Variants in PRTFDC1 observed in about 807,000 individuals in gnomAD.
The protein encoded by PRTFDC1 is phosphoribosyltransferase domain-containing protein 1.
PRTFDC1 carries 38 observed loss-of-function variants against 34.6 expected under a neutral mutation model. The ratio of observed to expected loss-of-function variants is 1.10; its 90% CI spans 0.85 to 1.44. The LOEUF is 1.44. PRTFDC1 is among the 40% of genes most tolerant of loss of function. The pLI, the probability that PRTFDC1 is intolerant of heterozygous loss-of-function variation, is 0.00. For missense variants in PRTFDC1, 270 were observed against 283.0 expected, an observed-to-expected ratio of 0.95 and a Z score of 0.33; for synonymous variants, 93 against 98.1, an observed-to-expected ratio of 0.95 and a Z score of 0.31.
chr10:24,880,478 A>G (rs564551126), intron 3 of PRTFDC1, among the ~76,000 whole-genome samples: 1 of 152,184 alleles, frequency 6.6e-6, no homozygotes, highest in South Asian at 2.1e-4. Context: ...TCTTGCCTTT[A>G]ATCTTAAGAA....
chr10:24,923,726 A>T (rs7096844), intron 3 of PRTFDC1, among the ~76,000 whole-genome samples: 49,187 of 152,052 alleles, frequency 0.32, 9,363 homozygotes, highest in African/African-American at 0.53. Flanking sequence ...AAATTCCAAA[A>T]ACCAGAGTTC....
At chr10:24,875,190 C>T (rs1382414971) in intron 3 of PRTFDC1, among the ~76,000 whole-genome samples, 2 of 152,168 alleles carry the variant, frequency 1.3e-5, no homozygotes, top group African/African-American at 4.8e-5. Context: ...TGATACGTTT[C>T]TACATTATGG....
At chr10:24,929,272 A>G (rs1459637199) in intron 3 of PRTFDC1, among the ~76,000 whole-genome samples, 1 of 152,114 alleles carries the variant, frequency 6.6e-6, no homozygotes, top group Non-Finnish European at 1.5e-5. Flanking sequence ...GGAATGAGAG[A>G]GAAAAAATGT....
rs1339485395 is a variant in PRTFDC1, at chr10:24,937,854, G to A, written c.156-487C>T. Reference sequence around the variant, plus strand: ...ATTACAGGCATGAGCCACCATGCCTGGCAGTATTTACTGAATTCTAAAGAA... The same window carrying A: ...ATTACAGGCATGAGCCACCATGCCTAGCAGTATTTACTGAATTCTAAAGAA... On this transcript the variant is annotated intron_variant, in intron 2 of 8. Transcript: ENST00000320152. Among the ~76,000 whole-genome samples the A allele has an allele frequency of 2.0e-5, 3 of 151,872 alleles. No individual in the cohort carries two copies. In the East Asian group the frequency reaches 5.8e-4, roughly 30 times the overall value.
chr10:24,912,293 AAAG>A lies in PRTFDC1; in HGVS notation c.339+24888_339+24890del, dbSNP rs1414788182. ...CAAAAAAAAAAAAAAAAAAAAAAAAAAAGAAAGAAATTGCTGAAGAGTTTTTTT... is the reference window on the plus strand; with the variant it reads ...CAAAAAAAAAAAAAAAAAAAAAAAAAAAAGAAATTGCTGAAGAGTTTTTTT... On this transcript the variant is annotated intron_variant, in intron 3 of 8. Coordinates refer to ENST00000320152, the MANE Select transcript of PRTFDC1 (RefSeq NM_020200.7). 2.5e-4 allele frequency among the ~76,000 whole-genome samples: 36 copies of A among 142,380 alleles called. 1 individual carries two copies. Among genetic ancestry groups the A allele is most frequent in the African/African-American group, 9.0e-4 (32 of 35,434 alleles). The allele number at this position is 142,380 out of a possible 152,430, so 93.4% of individuals were successfully genotyped here.
At chr10:24,918,067 C>T (rs1463148647) in intron 3 of PRTFDC1, among the ~76,000 whole-genome samples, 3 of 152,094 alleles carry the variant, frequency 2.0e-5, no homozygotes, top group Non-Finnish European at 2.9e-5. Flanking sequence ...GGAGAGCTGT[C>T]ACCTGACTTC....
At chr10:24,915,299 C>T (rs1848679211) in intron 3 of PRTFDC1, among the ~76,000 whole-genome samples, 1 of 152,178 alleles carries the variant, frequency 6.6e-6, no homozygotes, top group African/African-American at 2.4e-5. Flanking sequence ...AGACTCCTGA[C>T]ATTTGGACAG....
chr10:24,872,194 T>C, intron 3 of PRTFDC1, 131 bp from the exon 4 acceptor site: 3 of 752,802 alleles, frequency 4.0e-6, no homozygotes, highest in Non-Finnish European at 6.5e-6. Context: ...TAATAGGGAT[T>C]CATGGTTGCC....
rs117154491 is a variant in PRTFDC1, at chr10:24,930,443, G to A, written c.339+6741C>T. On this transcript the variant is annotated intron_variant, in intron 3 of 8. Coordinates refer to ENST00000320152, the MANE Select transcript of PRTFDC1 (RefSeq NM_020200.7). ...ATAAAACATTTCAGAAAAAAAAGCA[G>A]GTAATTGTCTATTTATGGATATTGT... Among the ~76,000 whole-genome samples, 1,466 of 152,252 alleles carry A rather than the reference G, an allele frequency of 9.6e-3. 13 individuals are homozygous for A. Among genetic ancestry groups the A allele is most frequent in the Non-Finnish European group, 0.015 (1,001 of 68,026 alleles).
At position 24,948,700 on chromosome 10, in the gene PRTFDC1, C is replaced by T. The variant is rs142419866; in HGVS notation, c.48+3828G>A. ...CAACTCGGAATTTTCTTCTCTACCT[C>T]ATTCCTGGACAATTCCTTGGCTGAT... On this transcript the variant is annotated intron_variant, in intron 1 of 8. Transcript: ENST00000320152. 2.0e-3 allele frequency among the ~76,000 whole-genome samples: 307 copies of T among 152,312 alleles called. 1 individual carries two copies. The highest frequency in any genetic ancestry group is 7.1e-3 in the African/African-American group (296 of 41,550).
intron 3 of PRTFDC1, among the ~76,000 whole-genome samples, chr10:24,926,781 C>T (rs1848882877): frequency 6.6e-6 from 1 of 152,170 alleles, no homozygotes; most frequent in Non-Finnish European, 1.5e-5. Flanking sequence ...GATTCAACCC[C>T]AGCCTGTTGC....
rs76941397 is a variant in PRTFDC1 at position 24,904,795 on chromosome 10, T to A, written c.339+32389A>T. ...CTCTTCACCAGCCTGACACCTTCTG[T>A]GGATTTCATCCCAAATTCTATCCTC... On this transcript the variant is annotated intron_variant, in intron 3 of 8. Coordinates refer to ENST00000320152, the MANE Select transcript of PRTFDC1 (RefSeq NM_020200.7). Among the ~76,000 whole-genome samples, 757 of 152,352 alleles carry A rather than the reference T, an allele frequency of 5.0e-3. 7 individuals carry two copies. Among genetic ancestry groups the A allele is most frequent in the Middle Eastern group, 0.017 (5 of 294 alleles).
chr10:24,891,926 C>T (rs757718143), intron 3 of PRTFDC1, among the ~76,000 whole-genome samples: 2 of 152,170 alleles, frequency 1.3e-5, no homozygotes, highest in Non-Finnish European at 2.9e-5. Context: ...TTAACATAAC[C>T]TCCCCCAGGT....
chr10:24,877,397 T>C (rs1847986513), intron 3 of PRTFDC1, among the ~76,000 whole-genome samples: 1 of 152,188 alleles, frequency 6.6e-6, no homozygotes, highest in Non-Finnish European at 1.5e-5. Flanking sequence ...TGTTTGTGTG[T>C]TTTTAATGAA....
At chr10:24,865,618 T>C (rs555800746) in intron 4 of PRTFDC1, among the ~76,000 whole-genome samples, 2 of 152,170 alleles carry the variant, frequency 1.3e-5, no homozygotes, top group African/African-American at 4.8e-5. Flanking sequence ...CACAAGGGGT[T>C]TCCTAACAAA....
chr10:24,950,639 C>T (rs893641255), intron 1 of PRTFDC1, among the ~76,000 whole-genome samples: 4 of 152,010 alleles, frequency 2.6e-5, no homozygotes, highest in East Asian at 1.9e-4. Context: ...CTCTTGACCC[C>T]GCCCCTCCTG....
At chr10:24,855,654 G>A (rs1403557456) in intron 6 of PRTFDC1, among the ~76,000 whole-genome samples, 1 of 152,066 alleles carries the variant, frequency 6.6e-6, no homozygotes, top group Non-Finnish European at 1.5e-5. Context: ...ATTTAGCTGG[G>A]TGTGGTGGCA....
intron 3 of PRTFDC1, among the ~76,000 whole-genome samples, chr10:24,894,377 G>T (rs1420681032): frequency 6.6e-6 from 1 of 151,450 alleles, no homozygotes; most frequent in Non-Finnish European, 1.5e-5. Context: ...GGAGGGCACT[G>T]CTGGCCCTTT....
rs1415433364 is a variant in PRTFDC1, at chr10:24,848,688, G to A, written c.*1156C>T. 6.6e-6 allele frequency: 1 copy of A among 152,070 alleles called. No homozygotes were observed. Among genetic ancestry groups the A allele is most frequent in the Non-Finnish European group, 1.5e-5 (1 of 68,020 alleles). 9.4% of individuals were successfully genotyped at this position (152,070 alleles called of 1,614,324 possible). On this transcript the variant is annotated 3_prime_UTR_variant, in exon 9 of 9. Transcript: ENST00000320152. Reference sequence around the variant, plus strand: ...ACCTAATAACAATACGCCACATACGGTTCAGAACCAAACAAAAGCTGCTTA... The same window carrying A: ...ACCTAATAACAATACGCCACATACGATTCAGAACCAAACAAAAGCTGCTTA...
Sources: gnomAD v4.1 joint callset for allele counts (sites outside exome capture counted in the v4.1 genomes callset) on GRCh38, gnomAD v4.1.1 for gene constraint, MANE v1.5 for transcripts, NCBI Gene and HGNC (gene_info 2026-07-23, HGNC 2026-07-21) for gene names.